Variants in CRB1 observed in about 807,000 individuals in gnomAD.
CRB1 encodes crumbs cell polarity complex component 1, also known as protein crumbs homolog 1.
Under a neutral mutation model 120.0 loss-of-function variants are expected in CRB1, and 83 were observed. The ratio of observed to expected loss-of-function variants is 0.69; its 90% confidence interval spans 0.58 to 0.83. The LOEUF is 0.83. CRB1 is among the 40% of genes least tolerant of loss of function. The probability of loss-of-function intolerance (pLI) is 0.00; values close to 1 mark genes in which losing one functional copy is unlikely to be tolerated. For synonymous variants in CRB1, 625 were observed against 612.5 expected (o/e 1.02, Z -0.30); for missense variants, 1,699 against 1,687.6 (o/e 1.01, Z -0.12).
chr1:197,311,502 C>A (rs1434230877), intron 1 of CRB1, among the ~76,000 whole-genome samples: 9 of 152,216 alleles, frequency 5.9e-5, no homozygotes, highest in Non-Finnish European at 1.5e-5. Flanking sequence ...CAAAATATTT[C>A]TTGTATTTCA....
At chr1:197,227,091 A>T in the CRB1 span, among the ~76,000 whole-genome samples, 1 of 152,064 alleles carries the variant, frequency 6.6e-6, no homozygotes, top group South Asian at 2.1e-4. Context: ...ACCCCTCCAA[A>T]TCTCATGTCC....
intron 1 of CRB1, among the ~76,000 whole-genome samples, chr1:197,318,642 C>G (rs1470581214): frequency 6.6e-6 from 1 of 152,072 alleles, no homozygotes; most frequent in Non-Finnish European, 1.5e-5. Flanking sequence ...AGTACTATCA[C>G]AAGGGAATGT....
the CRB1 span, among the ~76,000 whole-genome samples, chr1:197,216,155 G>C: frequency 2.6e-5 from 4 of 152,100 alleles, no homozygotes; most frequent in Middle Eastern, 3.4e-3. Flanking sequence ...CCCCCATTTT[G>C]GTATAGTCCC....
At chr1:197,363,455 T>C (rs556405148) in intron 5 of CRB1, among the ~76,000 whole-genome samples, 58 of 152,292 alleles carry the variant, frequency 3.8e-4, no homozygotes, top group Non-Finnish European at 8.4e-4. Flanking sequence ...TCCTGATAAG[T>C]AGTTTTATTC....
rs555263577 is a variant in CRB1, at chr1:197,427,977, C to A, written c.2652C>A (p.Gly884=). The A allele has an allele frequency of 4.2e-5, 68 of 1,613,860 alleles. No homozygotes were observed. The South Asian group carries it at 7.0e-4, about 17-fold the overall frequency. ...LNPVLVNVTQ[G]CAGDNSCKSN... is the part of the protein sequence containing the mutation. ...CAGTTCTTGTCAATGTAACCCAAGG[C>A]TGTGCTGGAGACAACAGCTGCAAGG... Residue 884 remains glycine (G), a synonymous_variant, in exon 7 of 12, where the codon GGC becomes GGA. Transcript: ENST00000367400.
At chr1:197,387,720 A>G (rs529966730) in intron 5 of CRB1, among the ~76,000 whole-genome samples, 35 of 152,184 alleles carry the variant, frequency 2.3e-4, no homozygotes, top group African/African-American at 7.9e-4. Context: ...GTTTGTTTAC[A>G]TGAATACAAG....
upstream of CRB1, among the ~76,000 whole-genome samples, chr1:197,266,903 T>C (rs1042242902): frequency 1.3e-5 from 2 of 152,186 alleles, no homozygotes; most frequent in African/African-American, 4.8e-5. Context: ...TTGGGGTTCA[T>C]GGTGGAGGCC....
chr1:197,373,784 C>T (rs1349826465), intron 5 of CRB1, among the ~76,000 whole-genome samples: 1 of 152,098 alleles, frequency 6.6e-6, no homozygotes, highest in Non-Finnish European at 1.5e-5. Flanking sequence ...TGTGGAATGT[C>T]CATTGAATAT....
chr1:197,412,466 A>C (rs957067002), intron 5 of CRB1, among the ~76,000 whole-genome samples: 1 of 152,206 alleles, frequency 6.6e-6, no homozygotes, highest in African/African-American at 2.4e-5. Flanking sequence ...GCTCCGATTA[A>C]TATAAAAGTC....
At chr1:197,244,837 TC>T in the CRB1 span, among the ~76,000 whole-genome samples, 4 of 152,000 alleles carry the variant, frequency 2.6e-5, no homozygotes, top group Non-Finnish European at 5.9e-5. Context: ...TCCCACAGAT[TC>T]CTTATGCTTA....
intron 2 of CRB1, among the ~76,000 whole-genome samples, chr1:197,342,008 G>A (rs1479218380): frequency 6.6e-6 from 1 of 152,194 alleles, no homozygotes; most frequent in African/African-American, 2.4e-5. Flanking sequence ...TGGTAGGTTT[G>A]AGGAAAAGCA....
chr1:197,270,002 G>A (rs1654821809), intron 1 of CRB1, among the ~76,000 whole-genome samples: 1 of 152,124 alleles, frequency 6.6e-6, no homozygotes, highest in Non-Finnish European at 1.5e-5. Context: ...ACTTTTGTCT[G>A]TGTTGATATA....
the CRB1 span, among the ~76,000 whole-genome samples, chr1:197,261,621 A>G: frequency 6.6e-6 from 1 of 151,942 alleles, no homozygotes; most frequent in African/African-American, 2.4e-5. Flanking sequence ...ATAAAACGAT[A>G]TTCATTAACA....
the CRB1 span, among the ~76,000 whole-genome samples, chr1:197,252,586 G>C: frequency 9.4e-5 from 5 of 53,016 alleles, no homozygotes; most frequent in African/African-American, 2.8e-4. Flanking sequence ...ATATATATGT[G>C]TGTGTGTGTG....
the CRB1 span, among the ~76,000 whole-genome samples, chr1:197,205,459 G>C: frequency 6.6e-6 from 1 of 152,190 alleles, no homozygotes; most frequent in South Asian, 2.1e-4. Flanking sequence ...AATCATAAAG[G>C]GATGCTGGAT....
the CRB1 span, among the ~76,000 whole-genome samples, chr1:197,260,536 A>T: frequency 1.3e-5 from 2 of 152,150 alleles, no homozygotes; most frequent in Non-Finnish European, 2.9e-5. Context: ...ATTCTTCAAT[A>T]ACACAAAAAT....
chr1:197,372,585 C>A (rs1402589721), intron 5 of CRB1, among the ~76,000 whole-genome samples: 1 of 152,038 alleles, frequency 6.6e-6, no homozygotes, highest in Non-Finnish European at 1.5e-5. Context: ...TTAGGAAAAG[C>A]GTATGAATAT....
At chr1:197,378,097 G>GT (rs1366140379) in intron 5 of CRB1, among the ~76,000 whole-genome samples, 10 of 152,154 alleles carry the variant, frequency 6.6e-5, no homozygotes. Context: ...TTTTCTGGTT[G>GT]TTTTTTCCAT....
chr1:197,233,856 G>C, the CRB1 span, among the ~76,000 whole-genome samples: 26 of 152,250 alleles, frequency 1.7e-4, no homozygotes, highest in Admixed American at 1.6e-3. Flanking sequence ...CCCTCTAATG[G>C]GTTCTTCTAA....
Sources: gnomAD v4.1 joint callset for allele counts (sites outside exome capture counted in the v4.1 genomes callset) on GRCh38, gnomAD v4.1.1 for gene constraint, MANE v1.5 for transcripts, NCBI Gene and HGNC (gene_info 2026-07-23, HGNC 2026-07-21) for gene names.